Variants in CDH18 observed in about 807,000 individuals in gnomAD.
CDH18 encodes cadherin-18.
Under a neutral mutation model 67.9 loss-of-function variants are expected in CDH18, and 31 were observed. That is an observed-to-expected ratio of 0.46 (90% confidence interval 0.34 to 0.62). The LOEUF (loss-of-function observed/expected upper bound fraction) is 0.62. Among genes scored for constraint, CDH18 ranks in the 20% least tolerant of loss-of-function variants. The probability of loss-of-function intolerance (pLI) is 0.01; values close to 1 mark genes in which losing one functional copy is unlikely to be tolerated. For missense variants in CDH18, 890 were observed against 975.5 expected, an observed-to-expected ratio of 0.91 and a Z score of 1.17; for synonymous variants, 362 against 347.2, an observed-to-expected ratio of 1.04 and a Z score of -0.48.
intron 5 of CDH18, among the ~76,000 whole-genome samples, chr5:19,697,086 T>C (rs550050557): frequency 1.3e-5 from 2 of 152,306 alleles, no homozygotes; most frequent in East Asian, 1.9e-4. Context: ...ACAAGAGCTA[T>C]AAAAATAGTA....
chr5:19,851,792 C>T (rs146393518), intron 2 of CDH18, among the ~76,000 whole-genome samples: 175 of 151,256 alleles, frequency 1.2e-3, no homozygotes, highest in East Asian at 4.1e-3. Context: ...CCTTGAAAAG[C>T]GTATATAGTG....
chr5:20,560,324 A>G (rs751252722), intron 1 of CDH18, among the ~76,000 whole-genome samples: 8 of 152,054 alleles, frequency 5.3e-5, no homozygotes, highest in Non-Finnish European at 8.8e-5. Flanking sequence ...CAATCATATT[A>G]CACTTTTAAT....
intron 1 of CDH18, among the ~76,000 whole-genome samples, chr5:20,326,854 AT>A (rs1738647231): frequency 1.3e-5 from 2 of 152,112 alleles, no homozygotes. Context: ...TATTTACATT[AT>A]TTAAGTTTTG....
At chr5:19,773,619 T>C (rs1463591257) in intron 3 of CDH18, among the ~76,000 whole-genome samples, 1 of 152,180 alleles carries the variant, frequency 6.6e-6, no homozygotes, top group Admixed American at 6.5e-5. Context: ...ATTTGTTTAC[T>C]ATCTGAGAGA....
chr5:19,824,780 G>T (rs1343147480), intron 3 of CDH18, among the ~76,000 whole-genome samples: 1 of 152,116 alleles, frequency 6.6e-6, no homozygotes, highest in African/African-American at 2.4e-5. Flanking sequence ...CCAGATGACA[G>T]AGAGGGTGAC....
At chr5:20,270,995 G>A (rs1239301198) in intron 1 of CDH18, among the ~76,000 whole-genome samples, 1 of 152,030 alleles carries the variant, frequency 6.6e-6, no homozygotes, top group South Asian at 2.1e-4. Context: ...GGCATAGGGT[G>A]GGACGGGGGA....
rs114987097 is a variant in CDH18 at position 19,984,580 on chromosome 5, T to G, written c.-375-3402A>C. ...GAATAACTGAAAGACTCAGCATGCT[T>G]AATCCATTTTAATCAGACAAATCAT... On this transcript the variant is annotated intron_variant, in intron 1 of 12. Coordinates refer to ENST00000382275, the MANE Select transcript of CDH18 (RefSeq NM_004934.5). 2.1e-3 allele frequency among the ~76,000 whole-genome samples: 323 copies of G among 152,296 alleles called. 1 individual carries two copies. Among genetic ancestry groups the G allele is most frequent in the African/African-American group, 7.1e-3 (297 of 41,568 alleles).
chr5:20,467,230 C>G (rs1751693525), intron 1 of CDH18, among the ~76,000 whole-genome samples: 1 of 151,818 alleles, frequency 6.6e-6, no homozygotes. Context: ...TCCTATGATT[C>G]TAAAAGATTA....
intron 2 of CDH18, among the ~76,000 whole-genome samples, chr5:20,246,417 T>C (rs1743380046): frequency 6.6e-6 from 1 of 152,174 alleles, no homozygotes; most frequent in Non-Finnish European, 1.5e-5. Context: ...TTTTTATTTA[T>C]TCGAAACTCT....
At chr5:20,154,465 C>T (rs1751368173) in intron 2 of CDH18, among the ~76,000 whole-genome samples, 1 of 152,108 alleles carries the variant, frequency 6.6e-6, no homozygotes, top group African/African-American at 2.4e-5. Flanking sequence ...CAATATCTCA[C>T]TTATTTTACA....
intron 5 of CDH18, among the ~76,000 whole-genome samples, chr5:19,685,648 G>C (rs1009051833): frequency 3.3e-5 from 5 of 152,110 alleles, no homozygotes; most frequent in African/African-American, 1.2e-4. Flanking sequence ...GCATGCCCTG[G>C]TTGGATCCAG....
intron 5 of CDH18, among the ~76,000 whole-genome samples, chr5:19,701,431 G>A (rs1229611196): frequency 6.6e-6 from 1 of 152,054 alleles, no homozygotes; most frequent in African/African-American, 2.4e-5. Context: ...GAGTGAGGGA[G>A]ATGAGACCCT....
In CDH18 at chr5:20,487,338, C is replaced by T. The variant is rs533099523; in HGVS notation, c.-580+88124G>A. On this transcript the variant is annotated intron_variant, in intron 1 of 14. Coordinates refer to the CDH18 transcript ENST00000507958. The stretch of plus-strand genomic sequence containing the variant: ...TATATGGAGATACATATATATAAAC[C>T]TATATATGTATAAACCTATATATAT... Among the ~76,000 whole-genome samples, 101 of 142,460 alleles carry T rather than the reference C, an allele frequency of 7.1e-4. 1 individual carries two copies. The highest frequency in any genetic ancestry group is 2.9e-3 in the African/African-American group (100 of 34,612). 93.5% of individuals were successfully genotyped at this position (142,460 alleles called of 152,430 possible). A position where few individuals can be genotyped will look rare whatever the true frequency, so the allele number is the denominator to read the frequency against.
chr5:20,006,879 A>G (rs1251975690), intron 2 of CDH18, among the ~76,000 whole-genome samples: 1 of 151,970 alleles, frequency 6.6e-6, no homozygotes, highest in African/African-American at 2.4e-5. Flanking sequence ...TAGTTAACTT[A>G]GAGGGAAATA....
At chr5:20,056,410 TAATCTTTTTTGTCCTCTATATGTTCTCAC>T (rs1741936317) in intron 2 of CDH18, among the ~76,000 whole-genome samples, 1 of 148,754 alleles carries the variant, frequency 6.7e-6, no homozygotes, top group Non-Finnish European at 1.5e-5. Context: ...GTTTGTTTTT[TAATCTTTTTTGTCCTCTATATGTTCTCAC>T]TTTATTTTTT....
At chr5:19,700,813 A>G (rs1237204004) in intron 5 of CDH18, among the ~76,000 whole-genome samples, 1 of 152,164 alleles carries the variant, frequency 6.6e-6, no homozygotes, top group Non-Finnish European at 1.5e-5. Flanking sequence ...CCTTGTTTCC[A>G]TCATAGTTTC....
intron 1 of CDH18, among the ~76,000 whole-genome samples, chr5:20,473,092 TTTC>T (rs1481796210): frequency 6.6e-6 from 1 of 152,134 alleles, no homozygotes; most frequent in African/African-American, 2.4e-5. Flanking sequence ...ACTAAGTAGT[TTTC>T]TTAAGGTTCT....
chr5:20,021,774 C>T (rs563050995), intron 2 of CDH18, among the ~76,000 whole-genome samples: 1 of 152,292 alleles, frequency 6.6e-6, no homozygotes, highest in Non-Finnish European at 1.5e-5. Context: ...TACCAACTCT[C>T]AGGTAGTTCT....
At chr5:19,949,428 A>G (rs1190244232) in intron 2 of CDH18, among the ~76,000 whole-genome samples, 1 of 152,176 alleles carries the variant, frequency 6.6e-6, no homozygotes, top group Non-Finnish European at 1.5e-5. Flanking sequence ...TTAACAATAT[A>G]TAAAGCAGAC....
Sources: allele counts gnomAD v4.1 joint callset (sites outside exome capture counted in the v4.1 genomes callset), GRCh38; gene constraint gnomAD v4.1.1; transcripts MANE v1.5; gene names NCBI Gene and HGNC (gene_info 2026-07-23, HGNC 2026-07-21).